Variants in MBD5 observed in about 807,000 individuals in gnomAD.
The protein encoded by MBD5 is methyl-CpG-binding domain protein 5.
Under a neutral mutation model 117.3 loss-of-function variants are expected in MBD5, and 13 were observed. The ratio of observed to expected loss-of-function variants is 0.11; its 90% CI spans 0.07 to 0.18. The LOEUF is 0.18. Among genes scored for constraint, MBD5 ranks in the 10% least tolerant of loss-of-function variants. The pLI, the probability that MBD5 is intolerant of heterozygous loss-of-function variation, is 1.00. For synonymous variants in MBD5, 727 were observed against 766.4 expected (o/e 0.95, Z 0.85); for missense variants, 1,879 against 2,093.8 (o/e 0.90, Z 2.00).
At chr2:148,108,245 C>A (rs1234825131) in intron 1 of MBD5, among the ~76,000 whole-genome samples, 7 of 152,106 alleles carry the variant, frequency 4.6e-5, no homozygotes, top group African/African-American at 1.7e-4. Flanking sequence ...TAATACTAAT[C>A]TAATACTAAT....
At chr2:148,161,403 G>A (rs898055934) in intron 1 of MBD5, among the ~76,000 whole-genome samples, 2 of 152,172 alleles carry the variant, frequency 1.3e-5, no homozygotes, top group African/African-American at 4.8e-5. Flanking sequence ...TTATGCTGAG[G>A]ACTATGAATA....
intron 3 of MBD5, among the ~76,000 whole-genome samples, chr2:148,325,424 T>G (rs1174674461): frequency 6.6e-6 from 1 of 152,230 alleles, no homozygotes; most frequent in East Asian, 1.9e-4. Flanking sequence ...AAGTTCCTCC[T>G]TATACCTCTG....
At chr2:148,369,465 T>C (rs1465334901) in intron 4 of MBD5, among the ~76,000 whole-genome samples, 2 of 152,120 alleles carry the variant, frequency 1.3e-5, no homozygotes, top group Non-Finnish European at 2.9e-5. Context: ...TAGGGGTAAA[T>C]TGGAACATTG....
intron 3 of MBD5, among the ~76,000 whole-genome samples, chr2:148,239,831 A>G (rs1382504123): frequency 6.6e-6 from 1 of 152,032 alleles, no homozygotes; most frequent in Admixed American, 6.6e-5. Flanking sequence ...CTGAATAACT[A>G]GGACCACAGC....
chr2:148,267,729 G>A (rs935155253), intron 3 of MBD5, among the ~76,000 whole-genome samples: 4 of 151,656 alleles, frequency 2.6e-5, no homozygotes, highest in Non-Finnish European at 2.9e-5. Context: ...TTGCTTTTAC[G>A]TGTAGATCTT....
At chr2:148,338,335 T>G (rs1445005880) in intron 3 of MBD5, among the ~76,000 whole-genome samples, 1 of 152,042 alleles carries the variant, frequency 6.6e-6, no homozygotes, top group African/African-American at 2.4e-5. Flanking sequence ...TTGCTTAATC[T>G]CCTTTAATCT....
intron 4 of MBD5, among the ~76,000 whole-genome samples, chr2:148,434,388 T>C (rs1045088963): frequency 1.3e-5 from 2 of 152,242 alleles, no homozygotes; most frequent in African/African-American, 4.8e-5. Flanking sequence ...TCAGCTCTGA[T>C]TTTTGTTATT....
At chr2:148,310,741 G>A (rs942482017) in intron 3 of MBD5, among the ~76,000 whole-genome samples, 2 of 152,024 alleles carry the variant, frequency 1.3e-5, no homozygotes, top group Non-Finnish European at 2.9e-5. Context: ...TGATGTTAGG[G>A]TGTCAATTTT....
At chr2:148,158,969 G>T (rs1697939560) in intron 1 of MBD5, among the ~76,000 whole-genome samples, 1 of 152,150 alleles carries the variant, frequency 6.6e-6, no homozygotes, top group African/African-American at 2.4e-5. Flanking sequence ...TGATCTGCCC[G>T]CCTTGGCCTC....
chr2:148,217,989 C>G (rs984654677), intron 2 of MBD5, among the ~76,000 whole-genome samples: 5 of 152,138 alleles, frequency 3.3e-5, no homozygotes, highest in African/African-American at 1.2e-4. Context: ...TGCAAGACAG[C>G]TTTGTCCATT....
At chr2:148,243,492 A>G (rs1486767158) in intron 3 of MBD5, among the ~76,000 whole-genome samples, 1 of 152,110 alleles carries the variant, frequency 6.6e-6, no homozygotes, top group African/African-American at 2.4e-5. Context: ...GTTTATCAGA[A>G]TATATTTTAT....
At chr2:148,354,560 G>A (rs1703327281) in intron 4 of MBD5, among the ~76,000 whole-genome samples, 1 of 152,204 alleles carries the variant, frequency 6.6e-6, no homozygotes, top group Non-Finnish European at 1.5e-5. Context: ...ATTGCGAATA[G>A]TGCTGCAATA....
At chr2:148,271,864 A>G (rs1481328036) in intron 3 of MBD5, among the ~76,000 whole-genome samples, 3 of 152,182 alleles carry the variant, frequency 2.0e-5, no homozygotes, top group East Asian at 1.9e-4. Context: ...CACAGTTGCC[A>G]TATTATACAA....
chr2:148,339,771 A>G (rs925953113), intron 3 of MBD5, among the ~76,000 whole-genome samples: 1 of 152,164 alleles, frequency 6.6e-6, no homozygotes, highest in Non-Finnish European at 1.5e-5. Context: ...AAATAAATTT[A>G]TTGTCTATCC....
chr2:148,407,047 A>G (rs1384555906), intron 4 of MBD5, among the ~76,000 whole-genome samples: 11 of 152,202 alleles, frequency 7.2e-5, no homozygotes, highest in Admixed American at 7.2e-4. Context: ...GTCCAGATAC[A>G]GAATCCCCAG....
At position 148,130,556 on chromosome 2, in the gene MBD5, T is replaced by TAAA. The variant is rs11402326; in HGVS notation, c.-924-48133_-924-48131dup. Among the ~76,000 whole-genome samples the TAAA allele has an allele frequency of 3.5e-4, 52 of 149,214 alleles. No individual in the cohort carries two copies. In the East Asian group the frequency reaches 7.6e-3, roughly 22 times the overall value. On this transcript the variant is annotated intron_variant, in intron 1 of 13. Transcript: ENST00000642680. ...TAACAAAATACTGGCTGTGTGATAT[T>TAAA]AAAAAAAAAAAAATGCACTCTGGGG... is the stretch of plus-strand genomic sequence containing the variant.
At chr2:148,477,214 A>G (rs2105018730) in intron 8 of MBD5, among the ~76,000 whole-genome samples, 1 of 152,212 alleles carries the variant, frequency 6.6e-6, no homozygotes, top group South Asian at 2.1e-4. Flanking sequence ...AACTACACAG[A>G]CATCATATTC....
chr2:148,207,675 G>C (rs1359474613), intron 2 of MBD5, among the ~76,000 whole-genome samples: 1 of 135,856 alleles, frequency 7.4e-6, no homozygotes, highest in Non-Finnish European at 1.6e-5. Context: ...CCAGCTGAGA[G>C]AGATACTAGA....
intron 3 of MBD5, among the ~76,000 whole-genome samples, chr2:148,284,224 T>C: frequency 6.6e-6 from 1 of 152,216 alleles, no homozygotes; most frequent in East Asian, 1.9e-4. Flanking sequence ...ATGCCATTGC[T>C]TATTTAACCA....
Sources: gnomAD v4.1 joint callset for allele counts (sites outside exome capture counted in the v4.1 genomes callset) on GRCh38, gnomAD v4.1.1 for gene constraint, MANE v1.5 for transcripts, NCBI Gene and HGNC (gene_info 2026-07-23, HGNC 2026-07-21) for gene names.